Variants in SMAD3 observed in about 807,000 individuals in gnomAD.
The protein encoded by SMAD3 is MAD homolog 3.
SMAD3 carries 12 observed loss-of-function variants against 51.8 expected under a neutral mutation model. The ratio of observed to expected loss-of-function variants is 0.23; its 90% CI spans 0.15 to 0.38. The LOEUF is 0.38. SMAD3 is among the 10% of genes least tolerant of loss of function. SMAD3 has a pLI of 1.00. For missense variants in SMAD3, 294 were observed against 565.6 expected (o/e 0.52, Z 4.87); for synonymous variants, 238 against 227.7 (o/e 1.05, Z -0.41).
Position 67,190,708 on chromosome 15 carries a change from G to T in SMAD3, c.*172G>T. The T allele has an allele frequency of 1.5e-6, 1 of 678,888 alleles. No homozygotes were observed. The highest frequency in any genetic ancestry group is 2.6e-6 in the Non-Finnish European group (1 of 390,306). The allele number at this position is 678,888 out of a possible 1,614,324, so 42.1% of individuals were successfully genotyped here. A position where few individuals can be genotyped will look rare whatever the true frequency, so the allele number is the denominator to read the frequency against. ...GAAACACACGAGCAAACCCAGAGGT[G>T]GATGTTATGAACAGCTGTGTCTGCC... On this transcript the variant is annotated 3_prime_UTR_variant, in exon 9 of 9. Coordinates refer to ENST00000327367, the MANE Select transcript of SMAD3 (RefSeq NM_005902.4).
Position 67,075,016 on chromosome 15 carries a change from AT to A in SMAD3, c.206+8666del, listed in dbSNP as rs150557456. Among the ~76,000 whole-genome samples the A allele has an allele frequency of 4.1e-5, 6 of 147,720 alleles. No individual in the cohort carries two copies. In the South Asian group the frequency reaches 6.4e-4, roughly 16 times the overall value. ...CAAGTTGTAACTCTGAGGTGTCACCATTTTTTTTTTCTTTTCAACTGGACAT... is the reference window on the plus strand; with the variant it reads ...CAAGTTGTAACTCTGAGGTGTCACCATTTTTTTTTCTTTTCAACTGGACAT... On this transcript the variant is annotated intron_variant, in intron 1 of 8. Transcript: ENST00000327367.
chr15:67,166,728 G>C (rs1216221061), intron 3 of SMAD3, 51 bp from the exon 4 acceptor site: 2 of 1,294,272 alleles, frequency 1.5e-6, no homozygotes, highest in South Asian at 2.5e-5. Flanking sequence ...AGGTGTCTCA[G>C]AGCCAAGCTG....
intron 1 of SMAD3, among the ~76,000 whole-genome samples, chr15:67,100,073 T>C (rs976224208): frequency 6.7e-6 from 1 of 150,062 alleles, no homozygotes; most frequent in Admixed American, 6.7e-5. Context: ...CCCAGCTACT[T>C]GGGAGGCTGA....
In SMAD3 at chr15:67,193,676, T is replaced by A. The variant is rs1214323523; in HGVS notation, c.*3140T>A. 2.1e-5 allele frequency: 5 copies of A among 233,382 alleles called. No homozygotes were observed. Among genetic ancestry groups the A allele is most frequent in the Admixed American group, 5.6e-5 (1 of 17,758 alleles). The allele number at this position is 233,382 out of a possible 1,614,324, so 14.5% of individuals were successfully genotyped here. On this transcript the variant is annotated 3_prime_UTR_variant, in exon 9 of 9. Coordinates refer to ENST00000327367, the MANE Select transcript of SMAD3 (RefSeq NM_005902.4). ...CTGCTGGCAGACGTCTCCATTGTCC[T>A]TATGTTGTCTGTGTTGTATTTTTTT...
intron 1 of SMAD3, among the ~76,000 whole-genome samples, chr15:67,073,460 A>C (rs1960099696): frequency 6.6e-6 from 1 of 152,238 alleles, no homozygotes; most frequent in Non-Finnish European, 1.5e-5. Context: ...TGTCAAAGAA[A>C]AATTAATAAA....
At chr15:67,124,627 C>T (rs1032370841) in intron 1 of SMAD3, among the ~76,000 whole-genome samples, 3 of 152,206 alleles carry the variant, frequency 2.0e-5, no homozygotes, top group African/African-American at 7.2e-5. Context: ...CACAGCTGAC[C>T]AAGGCCTCAT....
intron 1 of SMAD3, among the ~76,000 whole-genome samples, chr15:67,069,312 G>A (rs1439423983): frequency 6.6e-6 from 1 of 152,178 alleles, no homozygotes; most frequent in African/African-American, 2.4e-5. Flanking sequence ...CTGAGGTCTG[G>A]CAGGATTGGC....
chr15:67,185,379 A>C (rs911574338), intron 7 of SMAD3, among the ~76,000 whole-genome samples: 3 of 152,146 alleles, frequency 2.0e-5, no homozygotes, highest in Non-Finnish European at 4.4e-5. Context: ...TTCATGGAGG[A>C]GAAACATCCG....
chr15:67,168,402 G>C (rs1213416123), intron 4 of SMAD3, among the ~76,000 whole-genome samples: 1 of 152,208 alleles, frequency 6.6e-6, no homozygotes, highest in Non-Finnish European at 1.5e-5. Flanking sequence ...GGAATGCATC[G>C]AAGACCTTCC....
chr15:67,190,631 G>C lies in SMAD3; in HGVS notation c.*95G>C, dbSNP rs1963338587. On this transcript the variant is annotated 3_prime_UTR_variant, in exon 9 of 9. Coordinates refer to ENST00000327367, the MANE Select transcript of SMAD3 (RefSeq NM_005902.4). The stretch of plus-strand genomic sequence containing the variant: ...ACTCTACTCAACCCATTGTTGTCAA[G>C]GAAGAAGAAATCTTTCTCCCTCAAC... 4 of 1,365,172 alleles carry C rather than the reference G, an allele frequency of 2.9e-6. No individual in the cohort carries two copies. Among genetic ancestry groups the C allele is most frequent in the Middle Eastern group, 2.4e-4 (1 of 4,130 alleles). The allele number at this position is 1,365,172 out of a possible 1,614,324, so 84.6% of individuals were successfully genotyped here. A position where few individuals can be genotyped will look rare whatever the true frequency, so the allele number is the denominator to read the frequency against.
At chr15:67,125,652 A>G in intron 1 of SMAD3, 1 of 941,036 alleles carries the variant, frequency 1.1e-6, no homozygotes, top group South Asian at 4.9e-5. Flanking sequence ...GATTTGAAAT[A>G]TGAAAAGCAT....
chr15:67,136,184 A>G (rs979057632), intron 1 of SMAD3, among the ~76,000 whole-genome samples: 44 of 152,208 alleles, frequency 2.9e-4, no homozygotes, highest in African/African-American at 1.0e-3. Flanking sequence ...TGAAATCTCA[A>G]AATTATAAAT....
At chr15:67,093,583 C>T (rs990038470) in intron 1 of SMAD3, among the ~76,000 whole-genome samples, 3 of 152,172 alleles carry the variant, frequency 2.0e-5, no homozygotes, top group African/African-American at 7.2e-5. Context: ...GTGGCCAAGG[C>T]GCAGATCATT....
intron 1 of SMAD3, among the ~76,000 whole-genome samples, chr15:67,085,343 C>T (rs1028894364): frequency 6.6e-6 from 1 of 152,184 alleles, no homozygotes; most frequent in Non-Finnish European, 1.5e-5. Context: ...CACTTTTCTG[C>T]CCTGGCCCCT....
intron 1 of SMAD3, among the ~76,000 whole-genome samples, chr15:67,096,763 G>T (rs774539866): frequency 3.9e-5 from 6 of 152,066 alleles, no homozygotes; most frequent in Non-Finnish European, 8.8e-5. Context: ...GGTCTTGCAC[G>T]TGCAGCCTCT....
intron 1 of SMAD3, among the ~76,000 whole-genome samples, chr15:67,125,132 G>T (rs1961352739): frequency 6.6e-6 from 1 of 152,204 alleles, no homozygotes; most frequent in Non-Finnish European, 1.5e-5. Context: ...GGCCCTGGTG[G>T]CTGGGTGCAT....
chr15:67,068,759 A>G (rs757616929), intron 1 of SMAD3, among the ~76,000 whole-genome samples: 2 of 152,124 alleles, frequency 1.3e-5, no homozygotes, highest in Non-Finnish European at 2.9e-5. Flanking sequence ...TCCCTTGGCA[A>G]CAGCTGCTGC....
intron 1 of SMAD3, among the ~76,000 whole-genome samples, chr15:67,134,202 C>A (rs1468604244): frequency 6.6e-6 from 1 of 152,056 alleles, no homozygotes; most frequent in African/African-American, 2.4e-5. Context: ...CCCTGCAACG[C>A]CCCACCAAGC....
chr15:67,121,165 C>T (rs2140243318), intron 1 of SMAD3, among the ~76,000 whole-genome samples: 1 of 152,346 alleles, frequency 6.6e-6, no homozygotes, highest in South Asian at 2.1e-4. Context: ...CCTGTCCTGG[C>T]TGAGGGGTGG....
Sources: allele counts gnomAD v4.1 joint callset (sites outside exome capture counted in the v4.1 genomes callset), GRCh38; gene constraint gnomAD v4.1.1; transcripts MANE v1.5; gene names NCBI Gene and HGNC (gene_info 2026-07-23, HGNC 2026-07-21).